Variants in TRHDE observed in about 807,000 individuals in gnomAD.
TRHDE encodes thyrotropin releasing hormone degrading enzyme.
A neutral mutation model predicts 125.7 loss-of-function variants in TRHDE; 72 were observed. The observed-to-expected ratio is 0.57, with a 90% CI of 0.47 to 0.70. The LOEUF (loss-of-function observed/expected upper bound fraction) is 0.70. Ranked by LOEUF, TRHDE falls within the 30% of genes least tolerant of loss-of-function variation. The probability of loss-of-function intolerance (pLI) is 0.00; values close to 1 mark genes in which losing one functional copy is unlikely to be tolerated. For synonymous variants in TRHDE, 509 were observed against 509.1 expected (o/e 1.00, Z 0.00); for missense variants, 1,110 against 1,327.1 (o/e 0.84, Z 2.54).
At chr12:72,470,355 C>A (rs1876582610) in intron 4 of TRHDE, among the ~76,000 whole-genome samples, 1 of 152,240 alleles carries the variant, frequency 6.6e-6, no homozygotes, top group African/African-American at 2.4e-5. Flanking sequence ...TTTCCCACCA[C>A]ATAGACACTT....
chr12:72,180,016 T>C (rs996471448), intron 2 of TRHDE, among the ~76,000 whole-genome samples: 2 of 151,822 alleles, frequency 1.3e-5, no homozygotes, highest in Admixed American at 6.6e-5. Context: ...ATAATTACTA[T>C]TAATAATTAG....
intron 2 of TRHDE, among the ~76,000 whole-genome samples, chr12:72,109,673 C>T (rs543330215): frequency 2.0e-4 from 30 of 151,386 alleles, no homozygotes; most frequent in African/African-American, 7.2e-4. Context: ...ATACCTTCCC[C>T]CTCATTTCTA....
chr12:72,372,664 T>C (rs1871662427), intron 2 of TRHDE, among the ~76,000 whole-genome samples: 1 of 152,188 alleles, frequency 6.6e-6, no homozygotes, highest in Non-Finnish European at 1.5e-5. Flanking sequence ...CCCCATTGCT[T>C]GTTTTTCTCA....
At chr12:72,235,948 T>G (rs1878331108) in intron 2 of TRHDE, among the ~76,000 whole-genome samples, 2 of 152,216 alleles carry the variant, frequency 1.3e-5, no homozygotes, top group African/African-American at 4.8e-5. Flanking sequence ...AAGCAGATTA[T>G]GAGTCTTTTG....
chr12:72,602,252 A>G (rs912598845), intron 12 of TRHDE, among the ~76,000 whole-genome samples: 6 of 152,188 alleles, frequency 3.9e-5, no homozygotes, highest in African/African-American at 1.2e-4. Flanking sequence ...CTCCATTTGT[A>G]TGTGTGTGAG....
intron 2 of TRHDE, among the ~76,000 whole-genome samples, chr12:72,232,280 A>G (rs555073052): frequency 6.6e-6 from 1 of 152,206 alleles, no homozygotes; most frequent in South Asian, 2.1e-4. Context: ...CAGTCTTCGG[A>G]TTGGACAGTT....
chr12:72,414,390 A>C (rs536684722), intron 3 of TRHDE, among the ~76,000 whole-genome samples: 1 of 152,244 alleles, frequency 6.6e-6, no homozygotes, highest in South Asian at 2.1e-4. Context: ...AATATTAGCT[A>C]TTAGCTACTT....
At chr12:72,151,902 C>T (rs1477373504) in intron 2 of TRHDE, among the ~76,000 whole-genome samples, 1 of 152,018 alleles carries the variant, frequency 6.6e-6, no homozygotes, top group African/African-American at 2.4e-5. Context: ...TCCATATGAA[C>T]TTTAAAGTAG....
In TRHDE at chr12:72,563,377, G is replaced by A. The variant is rs1399706386; in HGVS notation, c.2042+337G>A. Reference sequence around the variant, plus strand: ...TAAAATGTGTTGCTGTGAATTAAAAGGAATTGAGCAAACTGTGAGATTTAT... The same window carrying A: ...TAAAATGTGTTGCTGTGAATTAAAAAGAATTGAGCAAACTGTGAGATTTAT... On this transcript the variant is annotated intron_variant, in intron 9 of 18. Coordinates refer to ENST00000261180, the MANE Select transcript of TRHDE (RefSeq NM_013381.3). 2.6e-5 allele frequency among the ~76,000 whole-genome samples: 4 copies of A among 152,088 alleles called. No individual in the cohort carries two copies. In the East Asian group the frequency reaches 5.8e-4, roughly 22 times the overall value.
intron 12 of TRHDE, among the ~76,000 whole-genome samples, chr12:72,586,390 T>C (rs1298214254): frequency 6.6e-6 from 1 of 152,210 alleles, no homozygotes; most frequent in African/African-American, 2.4e-5. Flanking sequence ...CTTAATTGCA[T>C]GCAATTTGAG....
chr12:72,106,273 A>G (rs1875185176), intron 2 of TRHDE, among the ~76,000 whole-genome samples: 1 of 152,208 alleles, frequency 6.6e-6, no homozygotes, highest in South Asian at 2.1e-4. Flanking sequence ...TAAAATATTG[A>G]AATTGTCTAC....
chr12:72,111,817 G>A (rs976369717), intron 2 of TRHDE, among the ~76,000 whole-genome samples: 4 of 152,088 alleles, frequency 2.6e-5, no homozygotes, highest in African/African-American at 9.7e-5. Context: ...CTTTCATTCA[G>A]ATGGGTCCCC....
chr12:72,432,557 CT>C (rs1874540842), intron 3 of TRHDE, among the ~76,000 whole-genome samples: 2 of 152,108 alleles, frequency 1.3e-5, no homozygotes, highest in South Asian at 4.1e-4. Context: ...ACCTTCCGGC[CT>C]TTCAGAAGGT....
intron 12 of TRHDE, among the ~76,000 whole-genome samples, chr12:72,586,279 T>A (rs1871434941): frequency 6.6e-6 from 1 of 152,208 alleles, no homozygotes; most frequent in Admixed American, 6.5e-5. Flanking sequence ...TTCTAAGATT[T>A]TGTGCAATGA....
At chr12:72,605,193 A>G (rs563945261) in intron 12 of TRHDE, among the ~76,000 whole-genome samples, 1 of 152,252 alleles carries the variant, frequency 6.6e-6, no homozygotes, top group Non-Finnish European at 1.5e-5. Context: ...CCAAAGGACA[A>G]AAAGTATCAG....
chr12:72,423,002 A>G (rs187687836), intron 3 of TRHDE, among the ~76,000 whole-genome samples: 115 of 152,316 alleles, frequency 7.6e-4, no homozygotes, highest in African/African-American at 2.7e-3. Flanking sequence ...ATTTTATTAT[A>G]GCAGCAGAAA....
intron 5 of TRHDE, among the ~76,000 whole-genome samples, chr12:72,495,770 T>C (rs1205611462): frequency 2.0e-5 from 3 of 152,170 alleles, no homozygotes; most frequent in Non-Finnish European, 4.4e-5. Flanking sequence ...AGTGTTATTT[T>C]ATATGGTATT....
At chr12:72,236,109 A>T in intron 2 of TRHDE, among the ~76,000 whole-genome samples, 1 of 152,208 alleles carries the variant, frequency 6.6e-6, no homozygotes, top group Non-Finnish European at 1.5e-5. Flanking sequence ...GACCATAACT[A>T]GTTAAAGCTC....
chr12:72,570,279 A>G (rs1870654576), intron 10 of TRHDE, among the ~76,000 whole-genome samples: 1 of 152,096 alleles, frequency 6.6e-6, no homozygotes. Flanking sequence ...CTCTCACAGA[A>G]TATCAAGAAT....
Sources: gnomAD v4.1 joint callset for allele counts (sites outside exome capture counted in the v4.1 genomes callset) on GRCh38, gnomAD v4.1.1 for gene constraint, MANE v1.5 for transcripts, NCBI Gene and HGNC (gene_info 2026-07-23, HGNC 2026-07-21) for gene names.